Variants in EPB41L3 observed in about 807,000 individuals in gnomAD.
EPB41L3 encodes the protein band 4.1-like protein 3.
A neutral mutation model predicts 127.1 loss-of-function variants in EPB41L3; 57 were observed. The ratio of observed to expected loss-of-function variants is 0.45; its 90% CI spans 0.36 to 0.56. The LOEUF (loss-of-function observed/expected upper bound fraction) is 0.56. Among genes scored for constraint, EPB41L3 ranks in the 20% least tolerant of loss-of-function variants. The pLI is 0.00. For missense variants in EPB41L3, 1,273 were observed against 1,372.2 expected (o/e 0.93, Z 1.14); for synonymous variants, 572 against 549.5 (o/e 1.04, Z -0.57).
chr18:5,407,143 T>G, intron 15 of EPB41L3, 175 bp from the exon 16 acceptor site: 1 of 604,092 alleles, frequency 1.7e-6, no homozygotes, highest in Non-Finnish European at 2.9e-6. Context: ...GATTTTCCCA[T>G]GGAAAGGAAA....
intron 15 of EPB41L3, chr18:5,407,202 A>G (rs1254278147): frequency 1.8e-6 from 1 of 542,812 alleles, no homozygotes; most frequent in South Asian, 2.4e-5. Flanking sequence ...AAAGAATTTT[A>G]GAAGGCAAAC....
intron 2 of EPB41L3, among the ~76,000 whole-genome samples, chr18:5,485,494 C>T (rs2089588647): frequency 1.3e-5 from 2 of 151,834 alleles, no homozygotes; most frequent in South Asian, 4.2e-4. Context: ...TCCTGGCTGG[C>T]ACAATTGGGC....
intron 3 of EPB41L3, among the ~76,000 whole-genome samples, chr18:5,592,890 C>T (rs1175686502): frequency 2.0e-5 from 3 of 152,214 alleles, no homozygotes; most frequent in African/African-American, 7.2e-5. Flanking sequence ...GTCTTCAAAT[C>T]AATTGCAATT....
At chr18:5,438,816 C>A (rs2080242715) in intron 5 of EPB41L3, among the ~76,000 whole-genome samples, 2 of 152,158 alleles carry the variant, frequency 1.3e-5, no homozygotes. Context: ...TACTCAAGGC[C>A]TCTCCAGCAC....
chr18:5,521,581 G>A (rs1488249258), intron 1 of EPB41L3, among the ~76,000 whole-genome samples: 2 of 152,124 alleles, frequency 1.3e-5, no homozygotes, highest in Admixed American at 6.5e-5. Context: ...AAATGGCTTT[G>A]GAATGAGACA....
intron 3 of EPB41L3, among the ~76,000 whole-genome samples, chr18:5,563,236 T>C (rs2094156199): frequency 6.6e-6 from 1 of 152,150 alleles, no homozygotes; most frequent in Non-Finnish European, 1.5e-5. Context: ...GCCCAAGTGA[T>C]TGACAATTAT....
chr18:5,501,427 G>A (rs2091738969), intron 1 of EPB41L3, among the ~76,000 whole-genome samples: 1 of 152,132 alleles, frequency 6.6e-6, no homozygotes, highest in Non-Finnish European at 1.5e-5. Flanking sequence ...ATGGTATACT[G>A]CACTAAACAG....
rs543028218 is a variant in EPB41L3 at position 5,425,144 on chromosome 18, C to T, written c.1066-785G>A. The stretch of plus-strand genomic sequence containing the variant: ...ATCATCTTAAACAGTAAAGGCTTCC[C>T]CAAAGAGCACACAATGGGTACTACT... On this transcript the variant is annotated intron_variant, in intron 9 of 22. Transcript: ENST00000341928. Among the ~76,000 whole-genome samples, 24 of 152,212 alleles carry T rather than the reference C, an allele frequency of 1.6e-4. No homozygotes were observed. In the South Asian group the frequency reaches 4.8e-3, roughly 30 times the overall value.
chr18:5,593,388 G>A lies in EPB41L3; in HGVS notation c.-306+18952C>T, dbSNP rs541384923. The stretch of plus-strand genomic sequence containing the variant: ...ATCACATTTTGGTAGGTTCCAAGAT[G>A]CCCCCTGAGCCGTAAAACCAGCAAG... On this transcript the variant is annotated intron_variant, in intron 3 of 21. Transcript: ENST00000545076. Among the ~76,000 whole-genome samples, 12 of 152,194 alleles carry A rather than the reference G, an allele frequency of 7.9e-5. No individual in the cohort carries two copies. In the East Asian group the frequency reaches 2.3e-3, roughly 29 times the overall value.
intron 1 of EPB41L3, among the ~76,000 whole-genome samples, chr18:5,537,147 G>A (rs1019815292): frequency 7.9e-5 from 12 of 152,278 alleles, no homozygotes; most frequent in African/African-American, 2.9e-4. Flanking sequence ...CCCAACCCAG[G>A]TGTGTCCTAT....
At chr18:5,514,987 C>G (rs1268141869) in intron 1 of EPB41L3, among the ~76,000 whole-genome samples, 2 of 152,336 alleles carry the variant, frequency 1.3e-5, no homozygotes, top group African/African-American at 4.8e-5. Context: ...CCTTGCAGAG[C>G]TTTTTGAGCC....
Position 5,418,709 on chromosome 18 carries a change from AT to A in EPB41L3, c.1506+1001del, listed in dbSNP as rs1356327559. Reference sequence around the variant, plus strand: ...AAAATAAAAGATGATGGATTGGGCCATTTGTAATATTTTAGCATAACTACAA... The same window carrying A: ...AAAATAAAAGATGATGGATTGGGCCATTGTAATATTTTAGCATAACTACAA... On this transcript the variant is annotated intron_variant, in intron 12 of 22. Transcript: ENST00000341928. Among the ~76,000 whole-genome samples, 3 of 152,344 alleles carry A rather than the reference AT, an allele frequency of 2.0e-5. No individual in the cohort carries two copies. The East Asian group carries it at 5.8e-4, about 29-fold the overall frequency.
At chr18:5,405,931 C>T (rs1162702299) in intron 16 of EPB41L3, among the ~76,000 whole-genome samples, 3 of 151,948 alleles carry the variant, frequency 2.0e-5, no homozygotes, top group Non-Finnish European at 2.9e-5. Context: ...TACTAGGAAC[C>T]GATTATAAAT....
At chr18:5,468,465 T>G (rs1465413697) in intron 3 of EPB41L3, among the ~76,000 whole-genome samples, 1 of 152,070 alleles carries the variant, frequency 6.6e-6, no homozygotes, top group Non-Finnish European at 1.5e-5. Context: ...CTTCCTCCCT[T>G]CTGAAGCCCA....
intron 1 of EPB41L3, among the ~76,000 whole-genome samples, chr18:5,539,065 C>T (rs967165783): frequency 9.1e-6 from 1 of 109,566 alleles, no homozygotes; most frequent in Non-Finnish European, 1.8e-5. Flanking sequence ...TATACAATTT[C>T]GTAAGTATTT....
chr18:5,555,989 G>T (rs1357378710), intron 3 of EPB41L3, among the ~76,000 whole-genome samples: 1 of 152,170 alleles, frequency 6.6e-6, no homozygotes, highest in Non-Finnish European at 1.5e-5. Context: ...CTATGCGTTT[G>T]TGTGTGTGGC....
At chr18:5,495,572 A>T (rs1227075262) in intron 1 of EPB41L3, among the ~76,000 whole-genome samples, 3 of 151,846 alleles carry the variant, frequency 2.0e-5, no homozygotes, top group Admixed American at 6.6e-5. Context: ...GGGGACAGAA[A>T]GGATTTTCAC....
chr18:5,607,998 G>A (rs572843456), intron 3 of EPB41L3, among the ~76,000 whole-genome samples: 171 of 152,288 alleles, frequency 1.1e-3, no homozygotes, highest in Middle Eastern at 0.01. Flanking sequence ...ACTCCTGGAT[G>A]AAAAACAGAC....
intron 1 of EPB41L3, among the ~76,000 whole-genome samples, chr18:5,526,967 C>T (rs1255011202): frequency 1.4e-5 from 2 of 146,636 alleles, no homozygotes; most frequent in Non-Finnish European, 3.0e-5. Context: ...GAGAGGAGTA[C>T]GAATTATTTT....
Sources: allele counts gnomAD v4.1 joint callset (sites outside exome capture counted in the v4.1 genomes callset), GRCh38; gene constraint gnomAD v4.1.1; transcripts MANE v1.5; gene names NCBI Gene and HGNC (gene_info 2026-07-23, HGNC 2026-07-21).